DNTT: variants seen among roughly 807,000 people sequenced by gnomAD.
DNTT encodes nucleosidetriphosphate:DNA deoxynucleotidylexotransferase.
A neutral mutation model predicts 60.9 loss-of-function variants in DNTT; 47 were observed. The ratio of observed to expected loss-of-function variants is 0.77; its 90% confidence interval spans 0.61 to 0.98. DNTT has a LOEUF of 0.98. Among genes scored for constraint, DNTT ranks in the 50% least tolerant of loss-of-function variants. DNTT has a pLI of 0.00. For synonymous variants in DNTT, 224 were observed against 221.2 expected (o/e 1.01, Z -0.11); for missense variants, 665 against 627.5 (o/e 1.06, Z -0.64).
At chr10:96,332,247 C>T in intron 8 of DNTT, 104 bp from the exon 9 acceptor site, 2 of 1,514,626 alleles carry the variant, frequency 1.3e-6, no homozygotes, top group Non-Finnish European at 1.8e-6. Flanking sequence ...AAACACATGT[C>T]CATGTTCTGC....
intron 1 of DNTT, 57 bp from the exon 2 acceptor site, chr10:96,318,295 G>A (rs1298533471): frequency 1.9e-6 from 3 of 1,554,314 alleles, no homozygotes; most frequent in South Asian, 1.2e-5. Context: ...GAGGAAAGAG[G>A]AGAGCTTCTG....
chr10:96,329,253 G>A (rs918550530), intron 8 of DNTT, among the ~76,000 whole-genome samples: 2 of 152,238 alleles, frequency 1.3e-5, no homozygotes, highest in Non-Finnish European at 2.9e-5. Context: ...CGATAGATTC[G>A]AGGCACTTCG....
chr10:96,322,217 C>T (rs1205471728), intron 4 of DNTT, among the ~76,000 whole-genome samples: 1 of 152,164 alleles, frequency 6.6e-6, no homozygotes, highest in Non-Finnish European at 1.5e-5. Flanking sequence ...CAACTCTACT[C>T]AGAGGAAGGG....
chr10:96,317,482 A>T (rs1475047906), intron 1 of DNTT, among the ~76,000 whole-genome samples: 1 of 152,224 alleles, frequency 6.6e-6, no homozygotes, highest in East Asian at 1.9e-4. Context: ...TGTTAATAAT[A>T]AACTGTGAGA....
intron 1 of DNTT, among the ~76,000 whole-genome samples, chr10:96,311,161 A>AGT (rs1844710117): frequency 1.3e-5 from 2 of 152,260 alleles, no homozygotes. Context: ...TTTCTGTTCC[A>AGT]AGGATACTGA....
At chr10:96,324,507 A>G in intron 6 of DNTT, 118 bp downstream of exon 6, 9 of 1,434,846 alleles carry the variant, frequency 6.3e-6, no homozygotes, top group East Asian at 2.3e-5. Flanking sequence ...TTTGATGTCC[A>G]TTGATGCTTG....
chr10:96,328,413 C>T (rs1399821234), intron 7 of DNTT, among the ~76,000 whole-genome samples: 1 of 152,108 alleles, frequency 6.6e-6, no homozygotes, highest in East Asian at 1.9e-4. Flanking sequence ...TGCTTGTTGT[C>T]ATGCTTGTCT....
At chr10:96,318,811 C>T (rs1589372056) in intron 2 of DNTT, among the ~76,000 whole-genome samples, 1 of 152,148 alleles carries the variant, frequency 6.6e-6, no homozygotes, top group Non-Finnish European at 1.5e-5. Flanking sequence ...GCTATTTTCC[C>T]GAACACATTT....
chr10:96,319,302 C>A lies in DNTT; in HGVS notation c.419C>A (p.Pro140Gln). 1.5e-5 allele frequency: 24 copies of A among 1,613,802 alleles called. No homozygotes were observed. The highest frequency in any genetic ancestry group is 1.9e-5 in the Non-Finnish European group (23 of 1,179,776). The change falls in exon 3 of 11, where the codon CCG (proline) becomes CAG (glutamine). Residue 140 changes from proline (P) to glutamine (Q), a missense_variant. By Grantham distance (76) the Pro-to-Gln change is moderately conservative. Transcript: ENST00000371174. ...DYSDSTNPGP[P>Q]KTPPIAVQKI... ...TCAGATAGCACCAACCCAGGCCCCCCGAAGACTCCACCAATTGCTGTACAA... is the reference window on the plus strand; with the variant it reads ...TCAGATAGCACCAACCCAGGCCCCCAGAAGACTCCACCAATTGCTGTACAA...
intron 9 of DNTT, among the ~76,000 whole-genome samples, chr10:96,334,137 A>T (rs961806415): frequency 6.6e-6 from 1 of 152,152 alleles, no homozygotes; most frequent in Non-Finnish European, 1.5e-5. Flanking sequence ...AAGCTATAAA[A>T]TTTTTCTGAA....
chr10:96,315,234 CTTT>C (rs11298506), intron 1 of DNTT, among the ~76,000 whole-genome samples: 2,988 of 147,264 alleles, frequency 0.02, 44 homozygotes, highest in Non-Finnish European at 0.032. Context: ...ACCAATGCTT[CTTT>C]TTTTTTTTTT....
At chr10:96,323,600 A>C (rs1844905633) in intron 5 of DNTT, among the ~76,000 whole-genome samples, 1 of 152,090 alleles carries the variant, frequency 6.6e-6, no homozygotes, top group Admixed American at 6.5e-5. Flanking sequence ...GACAGGACGG[A>C]ACTGCTCTTA....
intron 8 of DNTT, among the ~76,000 whole-genome samples, chr10:96,330,316 C>CTTTT (rs34863236): frequency 3.3e-4 from 47 of 140,454 alleles, no homozygotes; most frequent in Middle Eastern, 3.7e-3. Flanking sequence ...GCTTTGTGGG[C>CTTTT]TTTTTTTTTT....
At chr10:96,313,056 G>T (rs900388571) in intron 1 of DNTT, among the ~76,000 whole-genome samples, 3 of 151,966 alleles carry the variant, frequency 2.0e-5, no homozygotes, top group Admixed American at 6.6e-5. Flanking sequence ...GTTGAAGGAG[G>T]AGACCCTGAA....
In DNTT at chr10:96,304,501, G is replaced by A; in HGVS notation, c.4G>A (p.Asp2Asn). 1 of 1,613,470 alleles carries A rather than the reference G, an allele frequency of 6.2e-7. No individual in the cohort carries two copies. Residue 2 changes from aspartate to asparagine, a missense_variant, in exon 1 of 11, where the codon GAT (aspartate) becomes AAT (asparagine). Asp to Asn is a conservative substitution (Grantham distance 23, BLOSUM62 1). Transcript: ENST00000371174. ...GAGGCAGCAGCAGCCTCTTCCCATGGATCCACCACGAGCGTCCCACTTGAG... is the reference window on the plus strand; with the variant it reads ...GAGGCAGCAGCAGCCTCTTCCCATGAATCCACCACGAGCGTCCCACTTGAG... M[D>N]PPRASHLSPR...
At chr10:96,322,818 C>A in intron 5 of DNTT, 90 bp downstream of exon 5, 2 of 1,049,650 alleles carry the variant, frequency 1.9e-6, no homozygotes, top group Non-Finnish European at 2.7e-6. Context: ...GCTTGGGCTG[C>A]AATAACAAAA....
intron 7 of DNTT, 68 bp downstream of exon 7, chr10:96,327,668 A>C: frequency 1.9e-6 from 3 of 1,550,932 alleles, no homozygotes; most frequent in Non-Finnish European, 1.7e-6. Context: ...TTGGACAGGC[A>C]TCTGAAACGG....
Position 96,314,382 on chromosome 10 carries a change from T to C in DNTT, c.204-3970T>C, listed in dbSNP as rs926602008. On this transcript the variant is annotated intron_variant, in intron 1 of 10. Transcript: ENST00000371174. ...TATTCGCTGGGTGAAATTTTTAACA[T>C]TTCCAAGGCTATCTCTTCCCTTTTT... Among the ~76,000 whole-genome samples the C allele has an allele frequency of 2.7e-5, 4 of 147,042 alleles. No homozygotes were observed. The South Asian group carries it at 8.9e-4, about 33-fold the overall frequency.
intron 6 of DNTT, among the ~76,000 whole-genome samples, chr10:96,326,230 T>C (rs1844937828): frequency 6.6e-6 from 1 of 152,218 alleles, no homozygotes; most frequent in Admixed American, 6.5e-5. Context: ...AGTTTCTGTA[T>C]TACAGCCTAA....
Sources: allele counts gnomAD v4.1 joint callset (sites outside exome capture counted in the v4.1 genomes callset), GRCh38; gene constraint gnomAD v4.1.1; transcripts MANE v1.5; gene names NCBI Gene and HGNC (gene_info 2026-07-23, HGNC 2026-07-21).